The following CDKL1 variants were observed in gnomAD, a reference collection of about 807,000 sequenced individuals.
The protein encoded by CDKL1 is cyclin-dependent kinase-like 1.
A neutral mutation model predicts 42.0 loss-of-function variants in CDKL1; 41 were observed. That is an observed-to-expected ratio of 0.98 (90% CI 0.76 to 1.27). The LOEUF is 1.27. CDKL1 is among the 50% of genes most tolerant of loss of function. The probability of loss-of-function intolerance (pLI) is 0.00; values close to 1 mark genes in which losing one functional copy is unlikely to be tolerated. For synonymous variants in CDKL1, 153 were observed against 158.6 expected, an observed-to-expected ratio of 0.96 and a Z score of 0.26; for missense variants, 394 against 428.4, an observed-to-expected ratio of 0.92 and a Z score of 0.71.
intron 9 of CDKL1, chr14:50,331,893 T>A (rs2032963211): frequency 1.2e-6 from 1 of 829,706 alleles, no homozygotes; most frequent in Non-Finnish European, 1.8e-6. Flanking sequence ...AGTGTTAGTT[T>A]TAATACTAAA....
chr14:50,336,311 G>T, intron 7 of CDKL1: 1 of 1,168,264 alleles, frequency 8.6e-7, no homozygotes, highest in Non-Finnish European at 1.1e-6. Flanking sequence ...TCTCTGGGAA[G>T]CCATGGGAAG....
At chr14:50,382,058 A>G (rs1028850994) in intron 2 of CDKL1, among the ~76,000 whole-genome samples, 149 of 152,386 alleles carry the variant, frequency 9.8e-4, no homozygotes, top group African/African-American at 3.5e-3. Context: ...TTTAAGGTTA[A>G]TAAGCAATAA....
chr14:50,396,095 A>G lies in CDKL1; in HGVS notation c.-227T>C, dbSNP rs910253370. On this transcript the variant is annotated 5_prime_UTR_variant, in exon 2 of 10. Coordinates refer to ENST00000395834, the MANE Select transcript of CDKL1 (RefSeq NM_004196.7). ...CAGCAACTCAGGAGACTGAGGCAGGAGAATCGCGTGAACCTGGGAGGCGCA... is the reference window on the plus strand; with the variant it reads ...CAGCAACTCAGGAGACTGAGGCAGGGGAATCGCGTGAACCTGGGAGGCGCA... 14 of 1,080,670 alleles carry G rather than the reference A, an allele frequency of 1.3e-5. No individual in the cohort carries two copies. Among genetic ancestry groups the G allele is most frequent in the Middle Eastern group, 7.6e-4 (2 of 2,632 alleles). 66.9% of individuals were successfully genotyped at this position (1,080,670 alleles called of 1,614,324 possible). A position where few individuals can be genotyped will look rare whatever the true frequency, so the allele number is the denominator to read the frequency against.
chr14:50,332,317 G>A lies in CDKL1; in HGVS notation c.911C>T (p.Thr304Ile). 1 of 1,613,914 alleles carries A rather than the reference G, an allele frequency of 6.2e-7. No individual in the cohort carries two copies. Among genetic ancestry groups the A allele is most frequent in the East Asian group, 2.2e-5 (1 of 44,888 alleles). The change falls in exon 9 of 10, where the codon ACA becomes ATA. Residue 304 changes from threonine (T) to isoleucine (I), a missense_variant. Physicochemically the swap from Thr to Ile is moderately conservative, Grantham distance 89. Coordinates refer to ENST00000395834, the MANE Select transcript of CDKL1 (RefSeq NM_004196.7). ...TCGGCTCTTTCTTAGGGTCTTCCTTGTTGGTTTGTTGTGTTCTTTTGCCAA... is the reference window on the plus strand; with the variant it reads ...TCGGCTCTTTCTTAGGGTCTTCCTTATTGGTTTGTTGTGTTCTTTTGCCAA... ...EDLAKEHNKP[T>I]RKTLRKSRKH...
At chr14:50,376,698 A>G (rs2034741594) in intron 2 of CDKL1, among the ~76,000 whole-genome samples, 1 of 152,130 alleles carries the variant, frequency 6.6e-6, no homozygotes, top group African/African-American at 2.4e-5. Context: ...AAATCCTTCC[A>G]TTTTCATATA....
At chr14:50,371,307 G>A (rs1259672549) in intron 2 of CDKL1, among the ~76,000 whole-genome samples, 1 of 152,134 alleles carries the variant, frequency 6.6e-6, no homozygotes, top group East Asian at 1.9e-4. Context: ...GTTTTGTGAG[G>A]AATCTCCATA....
At chr14:50,357,731 C>T (rs2034098526) in intron 3 of CDKL1, among the ~76,000 whole-genome samples, 1 of 152,214 alleles carries the variant, frequency 6.6e-6, no homozygotes, top group Non-Finnish European at 1.5e-5. Flanking sequence ...TTCCACTAGA[C>T]TTAATGTGCA....
chr14:50,362,228 C>G, intron 2 of CDKL1: 1 of 362,210 alleles, frequency 2.8e-6, no homozygotes, highest in Non-Finnish European at 5.6e-6. Flanking sequence ...CAGAACCGCC[C>G]CCTGCTCCGC....
chr14:50,361,733 C>T (rs1250520010), intron 2 of CDKL1, among the ~76,000 whole-genome samples: 35 of 152,234 alleles, frequency 2.3e-4, no homozygotes, highest in Admixed American at 2.2e-3. Context: ...GGAGGACGCA[C>T]CACCATCATT....
intron 4 of CDKL1, 160 bp from the exon 5 acceptor site, chr14:50,342,382 T>C: frequency 5.0e-6 from 7 of 1,401,874 alleles, no homozygotes; most frequent in Non-Finnish European, 6.5e-6. Flanking sequence ...TCTAGTACCA[T>C]GCCTGTCAGA....
intron 2 of CDKL1, among the ~76,000 whole-genome samples, chr14:50,364,422 T>G (rs2034380551): frequency 6.6e-6 from 1 of 152,208 alleles, no homozygotes; most frequent in African/African-American, 2.4e-5. Flanking sequence ...TGAGCCCAGA[T>G]TGTGCCACTG....
At chr14:50,367,189 G>T (rs907840045) in intron 2 of CDKL1, among the ~76,000 whole-genome samples, 2 of 152,236 alleles carry the variant, frequency 1.3e-5, no homozygotes, top group African/African-American at 2.4e-5. Flanking sequence ...CATCATGGGA[G>T]GAGGAAGTGG....
At position 50,395,922 on chromosome 14, in the gene CDKL1, C is replaced by T; in HGVS notation, c.-54G>A. 4.5e-6 allele frequency: 7 copies of T among 1,544,088 alleles called. No individual in the cohort carries two copies. Among genetic ancestry groups the T allele is most frequent in the South Asian group, 1.1e-5 (1 of 89,328 alleles). On this transcript the variant is annotated 5_prime_UTR_variant, in exon 2 of 10. It adds an upstream start codon to the 5' untranslated region. Transcript: ENST00000395834. ...ATCTTCAGCCGAGAATGGTGGCTCACGCCTGTAATCCCAGCACTTTGGGAG... is the reference window on the plus strand; with the variant it reads ...ATCTTCAGCCGAGAATGGTGGCTCATGCCTGTAATCCCAGCACTTTGGGAG...
At chr14:50,349,339 T>C (rs1320054827) in intron 3 of CDKL1, among the ~76,000 whole-genome samples, 1 of 152,170 alleles carries the variant, frequency 6.6e-6, no homozygotes, top group East Asian at 1.9e-4. Context: ...GAGGGCAAGG[T>C]CTCAACCTCT....
chr14:50,340,787 T>C (rs2033486977), intron 6 of CDKL1, among the ~76,000 whole-genome samples: 1 of 152,234 alleles, frequency 6.6e-6, no homozygotes, highest in African/African-American at 2.4e-5. Flanking sequence ...TTTAACTTGA[T>C]CCAAACTGCT....
intron 3 of CDKL1, among the ~76,000 whole-genome samples, chr14:50,355,902 T>C (rs1451728214): frequency 6.6e-6 from 1 of 152,178 alleles, no homozygotes; most frequent in Non-Finnish European, 1.5e-5. Context: ...ATGGGCAAAC[T>C]GGTGGGGAGT....
chr14:50,335,551 A>G (rs1212905190), intron 7 of CDKL1: 3 of 1,536,116 alleles, frequency 2.0e-6, no homozygotes, highest in East Asian at 4.9e-5. Flanking sequence ...GGAGACAATC[A>G]GGAATAACAC....
chr14:50,361,768 C>T (rs115157745), intron 2 of CDKL1, among the ~76,000 whole-genome samples: 122 of 152,354 alleles, frequency 8.0e-4, no homozygotes, highest in African/African-American at 2.9e-3. Context: ...CATTAATCAC[C>T]TTTGTGAGAG....
chr14:50,335,820 C>A (rs952292505), intron 7 of CDKL1: 12 of 985,142 alleles, frequency 1.2e-5, no homozygotes, highest in African/African-American at 1.7e-5. Flanking sequence ...TTTGGACAGG[C>A]AACCAGCTCC....
Sources: gnomAD v4.1 joint callset for allele counts (sites outside exome capture counted in the v4.1 genomes callset) on GRCh38, gnomAD v4.1.1 for gene constraint, MANE v1.5 for transcripts, NCBI Gene and HGNC (gene_info 2026-07-23, HGNC 2026-07-21) for gene names.